Variants in DYRK1A observed in about 807,000 individuals in gnomAD.
DYRK1A encodes the protein dual specificity tyrosine-phosphorylation-regulated kinase 1A.
Under a neutral mutation model 79.7 loss-of-function variants are expected in DYRK1A, and 9 were observed. The ratio of observed to expected loss-of-function variants is 0.11; its 90% CI spans 0.07 to 0.20. The LOEUF (loss-of-function observed/expected upper bound fraction) is 0.20, where lower values mean the gene tolerates loss of function less well. Ranked by LOEUF, DYRK1A falls within the 10% of genes least tolerant of loss-of-function variation. The pLI is 1.00. For synonymous variants in DYRK1A, 349 were observed against 329.7 expected, an observed-to-expected ratio of 1.06 and a Z score of -0.63; for missense variants, 622 against 956.0, an observed-to-expected ratio of 0.65 and a Z score of 4.61.
At chr21:37,482,284 G>T (rs939075967) in intron 5 of DYRK1A, among the ~76,000 whole-genome samples, 8 of 152,094 alleles carry the variant, frequency 5.3e-5, no homozygotes, top group Non-Finnish European at 8.8e-5. Flanking sequence ...TTTCATGTAG[G>T]TTCTTTTCTA....
chr21:37,438,059 T>G (rs116381459), intron 2 of DYRK1A, among the ~76,000 whole-genome samples: 5 of 152,190 alleles, frequency 3.3e-5, no homozygotes, highest in Non-Finnish European at 5.9e-5. Flanking sequence ...GGTAGTGATA[T>G]CTCATTGTGT....
At position 37,520,636 on chromosome 21, in the gene DYRK1A, G is replaced by C. The variant is rs1262119597; in HGVS notation, c.*8105G>C. 6.6e-6 allele frequency: 1 copy of C among 152,248 alleles called. No individual in the cohort carries two copies. The highest frequency in any genetic ancestry group is 1.5e-5 in the Non-Finnish European group (1 of 68,050). 9.4% of individuals were successfully genotyped at this position (152,248 alleles called of 1,614,324 possible). ...GTGGATTTGGATGGATGATGAAGCT[G>C]AAACAAGGGACCTAATCATGGGATT... On this transcript the variant is annotated 3_prime_UTR_variant, in exon 12 of 12. Transcript: ENST00000647188.
At chr21:37,400,521 T>C (rs2050034147) in intron 1 of DYRK1A, among the ~76,000 whole-genome samples, 1 of 152,232 alleles carries the variant, frequency 6.6e-6, no homozygotes, top group African/African-American at 2.4e-5. Context: ...TTTATAACTT[T>C]TTAGTGTTAA....
At position 37,414,641 on chromosome 21, in the gene DYRK1A, C is replaced by T. The variant is rs558544838; in HGVS notation, c.-76-5658C>T. ...AGGAGTTCTTAATGTAGACTTTTAA[C>T]CAACTGTCTTAGAAATGAGCCTTTG... On this transcript the variant is annotated intron_variant, in intron 1 of 11. Coordinates refer to ENST00000647188, the MANE Select transcript of DYRK1A (RefSeq NM_001347721.2). 2.0e-5 allele frequency among the ~76,000 whole-genome samples: 3 copies of T among 152,198 alleles called. No homozygotes were observed. The East Asian group carries it at 5.8e-4, about 29-fold the overall frequency.
chr21:37,417,544 T>TCTTTTTCTTTTTCTTTTTC (rs1569304704), intron 1 of DYRK1A, among the ~76,000 whole-genome samples: 2 of 127,506 alleles, frequency 1.6e-5, no homozygotes, highest in African/African-American at 2.8e-5. Flanking sequence ...TTTTTTTTTT[T>TCTTTTTCTTTTTCTTTTTC]TTTTTTTTTT....
intron 2 of DYRK1A, among the ~76,000 whole-genome samples, chr21:37,450,380 A>G (rs2051407116): frequency 6.6e-6 from 1 of 152,140 alleles, no homozygotes; most frequent in South Asian, 2.1e-4. Context: ...GTGGTATAAG[A>G]TGGGAGGCTG....
At chr21:37,458,270 G>C (rs113085879) in intron 2 of DYRK1A, among the ~76,000 whole-genome samples, 6 of 137,664 alleles carry the variant, frequency 4.4e-5, no homozygotes, top group African/African-American at 1.4e-4. Flanking sequence ...GTAATTTACT[G>C]TGTGTGTGTG....
intron 2 of DYRK1A, among the ~76,000 whole-genome samples, chr21:37,449,030 T>A (rs1012420969): frequency 1.3e-5 from 2 of 152,188 alleles, no homozygotes; most frequent in Admixed American, 1.3e-4. Flanking sequence ...TGAAGAGTCA[T>A]ATCATTTTTC....
At chr21:37,374,432 T>C (rs1481697202) in intron 1 of DYRK1A, among the ~76,000 whole-genome samples, 1 of 151,576 alleles carries the variant, frequency 6.6e-6, no homozygotes, top group Non-Finnish European at 1.5e-5. Context: ...TATTATTAGC[T>C]CTAGTACAGA....
chr21:37,416,891 A>G (rs1490871776), intron 1 of DYRK1A, among the ~76,000 whole-genome samples: 2 of 152,188 alleles, frequency 1.3e-5, no homozygotes, highest in South Asian at 2.1e-4. Context: ...GTAATAAAAA[A>G]CAACTTGGTA....
At position 37,491,188 on chromosome 21, in the gene DYRK1A, A is replaced by C. The variant is rs1031758784; in HGVS notation, c.924+727A>C. 7.9e-5 allele frequency among the ~76,000 whole-genome samples: 12 copies of C among 152,242 alleles called. No individual in the cohort carries two copies. In the South Asian group the frequency reaches 1.0e-3, roughly 13 times the overall value. On this transcript the variant is annotated intron_variant, in intron 7 of 11. Coordinates refer to ENST00000647188, the MANE Select transcript of DYRK1A (RefSeq NM_001347721.2). Reference sequence around the variant, plus strand: ...GACTGCTAAAAACAGATGTGTTCGTAGTGCTGATAAGTTTAGCTGATTTAG... The same window carrying C: ...GACTGCTAAAAACAGATGTGTTCGTCGTGCTGATAAGTTTAGCTGATTTAG...
chr21:37,438,927 CTG>C (rs1424935079), intron 2 of DYRK1A, among the ~76,000 whole-genome samples: 1 of 129,408 alleles, frequency 7.7e-6, no homozygotes, highest in African/African-American at 3.4e-5. Context: ...GATACTTTAA[CTG>C]TATTGATTTT....
intron 2 of DYRK1A, among the ~76,000 whole-genome samples, chr21:37,438,796 C>G (rs1253563474): frequency 6.6e-6 from 1 of 152,142 alleles, no homozygotes; most frequent in Non-Finnish European, 1.5e-5. Context: ...GTTTTTATAA[C>G]TACTCTAGGT....
intron 2 of DYRK1A, among the ~76,000 whole-genome samples, chr21:37,423,704 A>G (rs938228934): frequency 3.9e-5 from 6 of 152,154 alleles, no homozygotes; most frequent in African/African-American, 1.4e-4. Flanking sequence ...TTTAACAACT[A>G]AAATTTTTTA....
At chr21:37,427,554 A>G (rs1051784529) in intron 2 of DYRK1A, among the ~76,000 whole-genome samples, 3 of 152,204 alleles carry the variant, frequency 2.0e-5, no homozygotes, top group African/African-American at 7.2e-5. Flanking sequence ...CATTTTTGCT[A>G]ATTAGTTCAT....
At position 37,496,066 on chromosome 21, in the gene DYRK1A, A is replaced by G. The variant is rs2053259120; in HGVS notation, c.1072-52A>G. On this transcript the variant is annotated intron_variant, in intron 8 of 11. Coordinates refer to ENST00000647188, the MANE Select transcript of DYRK1A (RefSeq NM_001347721.2). ...ATGAATGAATGACTTGATGAGCAGG[A>G]GTAGATGTACAGTAGAAATTACAGG... The G allele has an allele frequency of 1.9e-6, 3 of 1,548,754 alleles. No individual in the cohort carries two copies. The East Asian group carries it at 6.8e-5, about 35-fold the overall frequency.
At chr21:37,482,759 C>T (rs140912780) in intron 5 of DYRK1A, among the ~76,000 whole-genome samples, 2,160 of 152,230 alleles carry the variant, frequency 0.014, 21 homozygotes, top group Non-Finnish European at 0.024. Flanking sequence ...CCATAGAAGA[C>T]GGCCACACCC....
intron 1 of DYRK1A, among the ~76,000 whole-genome samples, chr21:37,391,336 AT>A (rs58643238): frequency 0.078 from 11,832 of 152,164 alleles, 693 homozygotes; most frequent in Non-Finnish European, 0.12. Context: ...GTAGACACTT[AT>A]TCTGTGGCTT....
At chr21:37,368,325 C>T (rs1305276541) in intron 1 of DYRK1A, among the ~76,000 whole-genome samples, 1 of 152,232 alleles carries the variant, frequency 6.6e-6, no homozygotes, top group African/African-American at 2.4e-5. Context: ...CGCCACAAAA[C>T]TTCACCAGTC....
Sources: allele counts gnomAD v4.1 joint callset (sites outside exome capture counted in the v4.1 genomes callset), GRCh38; gene constraint gnomAD v4.1.1; transcripts MANE v1.5; gene names NCBI Gene and HGNC (gene_info 2026-07-23, HGNC 2026-07-21).